GALNT11: variants seen among roughly 807,000 people sequenced by gnomAD.
GALNT11 encodes the protein UDP-GalNAc:polypeptide N-acetylgalactosaminyltransferase 11.
GALNT11 carries 47 observed loss-of-function variants against 72.7 expected under a neutral mutation model. The observed-to-expected ratio is 0.65, with a 90% CI of 0.51 to 0.82. GALNT11 has a LOEUF of 0.82. Ranked by LOEUF, GALNT11 falls within the 40% of genes least tolerant of loss-of-function variation. The pLI is 0.00. For missense variants in GALNT11, 677 were observed against 778.4 expected (o/e 0.87, Z 1.55); for synonymous variants, 270 against 286.6 (o/e 0.94, Z 0.58).
At chr7:152,083,548 C>T (rs770556083) in intron 1 of GALNT11, among the ~76,000 whole-genome samples, 2 of 151,980 alleles carry the variant, frequency 1.3e-5, no homozygotes, top group Non-Finnish European at 2.9e-5. Context: ...ATTGGTTTGT[C>T]TGTCTGTGCG....
At chr7:152,109,215 CCT>C (rs1308497705) in intron 6 of GALNT11, among the ~76,000 whole-genome samples, 1 of 152,186 alleles carries the variant, frequency 6.6e-6, no homozygotes. Flanking sequence ...AGTGATCAGT[CCT>C]CTGTTTTTCC....
At chr7:152,042,043 A>C (rs180685619) in intron 1 of GALNT11, among the ~76,000 whole-genome samples, 5 of 152,284 alleles carry the variant, frequency 3.3e-5, no homozygotes, top group Non-Finnish European at 7.4e-5. Context: ...GTAACACTGA[A>C]ATTTTTTTAT....
At chr7:152,058,302 T>C (rs2152047320) in intron 1 of GALNT11, among the ~76,000 whole-genome samples, 1 of 152,272 alleles carries the variant, frequency 6.6e-6, no homozygotes, top group Middle Eastern at 3.4e-3. Flanking sequence ...TGATGCTTCC[T>C]GAAGGTTAGG....
Position 152,098,545 on chromosome 7 carries a change from G to A in GALNT11, c.296-2253G>A, listed in dbSNP as rs145412737. Among the ~76,000 whole-genome samples the A allele has an allele frequency of 4.1e-3, 624 of 152,152 alleles. 6 individuals are homozygous for A. Among genetic ancestry groups the A allele is most frequent in the African/African-American group, 0.014 (599 of 41,520 alleles). On this transcript the variant is annotated intron_variant, in intron 2 of 11. Transcript: ENST00000430044. The stretch of plus-strand genomic sequence containing the variant: ...TGGCATGTTAATTCATTGAGGTTTG[G>A]CTACAATTTTGAGTAGGGGAATAAG...
intron 1 of GALNT11, among the ~76,000 whole-genome samples, chr7:152,050,572 C>T (rs2083344660): frequency 6.6e-6 from 1 of 152,176 alleles, no homozygotes; most frequent in Non-Finnish European, 1.5e-5. Context: ...GAGCTGCGAG[C>T]TGCACTGCCT....
At chr7:152,042,810 C>T (rs930517633) in intron 1 of GALNT11, among the ~76,000 whole-genome samples, 1 of 152,086 alleles carries the variant, frequency 6.6e-6, no homozygotes, top group African/African-American at 2.4e-5. Context: ...CCAGGTTGTC[C>T]ATCGGGCCCT....
intron 1 of GALNT11, among the ~76,000 whole-genome samples, chr7:152,038,640 A>G (rs116483312): frequency 6.6e-6 from 1 of 152,238 alleles, no homozygotes; most frequent in Non-Finnish European, 1.5e-5. Flanking sequence ...TTGCAAAGTG[A>G]TAAAAGCAAA....
At chr7:152,090,270 C>T (rs1026328039) in intron 1 of GALNT11, among the ~76,000 whole-genome samples, 3 of 152,308 alleles carry the variant, frequency 2.0e-5, no homozygotes, top group Admixed American at 2.0e-4. Context: ...ATTAATTTTA[C>T]TGATCTTTTA....
At chr7:152,055,520 CGTGTGTGT>C (rs3031460) in intron 1 of GALNT11, among the ~76,000 whole-genome samples, 17,705 of 136,368 alleles carry the variant, frequency 0.13, 1,400 homozygotes, top group African/African-American at 0.18. Flanking sequence ...ATATATAAAG[CGTGTGTGT>C]GTGTGTGTGT....
Position 152,113,295 on chromosome 7 carries a change from G to T in GALNT11, c.1130G>T (p.Gly377Val). 2.5e-6 allele frequency: 4 copies of T among 1,614,068 alleles called. No homozygotes were observed. The highest frequency in any genetic ancestry group is 3.4e-6 in the Non-Finnish European group (4 of 1,180,010). ...KLFIIPCSRV[G>V]HIFRKRRPYG... ...TTCATCATCCCTTGCTCTAGAGTAG[G>T]ACACATTTTCCGAAAAAGGCGACCA... Residue 377 changes from glycine (G) to valine (V), a missense_variant, in exon 8 of 12, where the codon GGA becomes GTA. Transcript: ENST00000430044.
At chr7:152,066,233 G>A (rs552895922) in intron 1 of GALNT11, among the ~76,000 whole-genome samples, 1 of 152,172 alleles carries the variant, frequency 6.6e-6, no homozygotes, top group South Asian at 2.1e-4. Context: ...GGGACCCTCC[G>A]AGCCAGGCAT....
At chr7:152,063,248 G>T (rs1272071312) in intron 1 of GALNT11, among the ~76,000 whole-genome samples, 2 of 152,192 alleles carry the variant, frequency 1.3e-5, no homozygotes, top group Non-Finnish European at 2.9e-5. Flanking sequence ...CAGTTTATTT[G>T]TGTAGAGGTG....
rs140942336 is a variant in GALNT11 at position 152,117,189 on chromosome 7, G to T, written c.1266G>T (p.Lys422Asn). ...EQYFSLRPDL[K>N]TKSYGNISER... ...ATTTTTCCTTAAGACCTGACCTGAA[G>T]ACGAAAAGCTATGGCAATATCAGTG... The change falls in exon 9 of 12, where the codon AAG (lysine) becomes AAT (asparagine). Residue 422 changes from lysine (K) to asparagine (N), a missense_variant. Lys to Asn is a moderately conservative substitution (Grantham distance 94, BLOSUM62 0). Transcript: ENST00000430044. The T allele has an allele frequency of 1.9e-5, 30 of 1,612,020 alleles. No individual in the cohort carries two copies. The highest frequency in any genetic ancestry group is 2.5e-5 in the Non-Finnish European group (29 of 1,179,556).
At chr7:152,108,602 G>A (rs1338654083) in intron 6 of GALNT11, among the ~76,000 whole-genome samples, 2 of 152,166 alleles carry the variant, frequency 1.3e-5, no homozygotes, top group Non-Finnish European at 1.5e-5. Context: ...CAAACACTGC[G>A]GTGTATTTAT....
At chr7:152,074,025 G>A (rs1009907559) in intron 1 of GALNT11, among the ~76,000 whole-genome samples, 5 of 151,884 alleles carry the variant, frequency 3.3e-5, no homozygotes, top group African/African-American at 9.7e-5. Context: ...TTAGTTTCTG[G>A]TTTATTCTGG....
chr7:152,110,790 G>A (rs1476416278), intron 7 of GALNT11, 145 bp downstream of exon 7: 2 of 633,238 alleles, frequency 3.2e-6, no homozygotes, highest in Non-Finnish European at 5.4e-6. Context: ...GAGTGCAGTG[G>A]CGTGGTCATG....
intron 1 of GALNT11, among the ~76,000 whole-genome samples, chr7:152,078,163 G>A (rs1481811024): frequency 6.6e-6 from 1 of 152,044 alleles, no homozygotes; most frequent in Non-Finnish European, 1.5e-5. Context: ...TCTGACATAC[G>A]TGATTTGAAT....
At chr7:152,041,383 C>G (rs1381274374) in intron 1 of GALNT11, among the ~76,000 whole-genome samples, 1 of 152,114 alleles carries the variant, frequency 6.6e-6, no homozygotes, top group Non-Finnish European at 1.5e-5. Context: ...TGTATTTGTG[C>G]CTTTATGAGG....
chr7:152,038,615 A>G (rs2082700993), intron 1 of GALNT11, among the ~76,000 whole-genome samples: 1 of 152,186 alleles, frequency 6.6e-6, no homozygotes, highest in South Asian at 2.1e-4. Flanking sequence ...TGTTCCCAAC[A>G]TGTCCCCCTT....
Sources: gnomAD v4.1 joint callset for allele counts (sites outside exome capture counted in the v4.1 genomes callset) on GRCh38, gnomAD v4.1.1 for gene constraint, MANE v1.5 for transcripts, NCBI Gene and HGNC (gene_info 2026-07-23, HGNC 2026-07-21) for gene names.